The following IRAK2 variants were observed in gnomAD, a reference collection of about 807,000 sequenced individuals.
IRAK2 encodes interleukin-1 receptor-associated kinase-like 2.
Under a neutral mutation model 72.0 loss-of-function variants are expected in IRAK2, and 57 were observed. That is an observed-to-expected ratio of 0.79 (90% CI 0.64 to 0.99). The LOEUF is 0.99. Among genes scored for constraint, IRAK2 ranks in the 50% least tolerant of loss-of-function variants. The pLI, the probability that IRAK2 is intolerant of heterozygous loss-of-function variation, is 0.00. For synonymous variants in IRAK2, 293 were observed against 312.7 expected (o/e 0.94, Z 0.67); for missense variants, 790 against 794.4 (o/e 0.99, Z 0.07).
chr3:10,225,635 CAG>C (rs1697761114), intron 9 of IRAK2, among the ~76,000 whole-genome samples: 1 of 151,814 alleles, frequency 6.6e-6, no homozygotes, highest in Non-Finnish European at 1.5e-5. Context: ...TGCCTGCATG[CAG>C]AGTCTTTCCT....
chr3:10,217,817 T>C (rs1427624964), intron 7 of IRAK2, among the ~76,000 whole-genome samples: 1 of 152,214 alleles, frequency 6.6e-6, no homozygotes, highest in East Asian at 1.9e-4. Flanking sequence ...AAGCAGTTAC[T>C]CACGGCATAC....
In IRAK2 at chr3:10,224,093, T is replaced by C. The variant is rs898302496; in HGVS notation, c.1209+1262T>C. 2.6e-5 allele frequency among the ~76,000 whole-genome samples: 4 copies of C among 151,948 alleles called. No homozygotes were observed. The East Asian group carries it at 5.8e-4, about 22-fold the overall frequency. On this transcript the variant is annotated intron_variant, in intron 9 of 12. Coordinates refer to ENST00000256458, the MANE Select transcript of IRAK2 (RefSeq NM_001570.4). ...GGCACATGCCTAAAATCTCAGTACT[T>C]TGGGAGGCCGATGTGGGCAGATCAC... is the stretch of plus-strand genomic sequence containing the variant.
In IRAK2 at chr3:10,221,011, G is replaced by A. The variant is rs566740717; in HGVS notation, c.1013+1222G>A. Among the ~76,000 whole-genome samples, 4 of 151,788 alleles carry A rather than the reference G, an allele frequency of 2.6e-5. No individual in the cohort carries two copies. In the East Asian group the frequency reaches 5.8e-4, roughly 22 times the overall value. Reference sequence around the variant, plus strand: ...TGTTTTTTAGTGTCTTAGTCTTCCCGTGAAGGAATTTGCCCATAATTTACT... The same window carrying A: ...TGTTTTTTAGTGTCTTAGTCTTCCCATGAAGGAATTTGCCCATAATTTACT... On this transcript the variant is annotated intron_variant, in intron 8 of 12. Coordinates refer to ENST00000256458, the MANE Select transcript of IRAK2 (RefSeq NM_001570.4).
rs749893720 is a variant in IRAK2, at chr3:10,165,078, C to A, written c.94+30C>A. On this transcript the variant is annotated intron_variant, in intron 1 of 12. Coordinates refer to ENST00000256458, the MANE Select transcript of IRAK2 (RefSeq NM_001570.4). ...GTGCGGCCCGGGGAGGGGAGGGGACCAGGGCGACCGGAGCCCCCAGCGATC... is the reference window on the plus strand; with the variant it reads ...GTGCGGCCCGGGGAGGGGAGGGGACAAGGGCGACCGGAGCCCCCAGCGATC... 19 of 1,577,288 alleles carry A rather than the reference C, an allele frequency of 1.2e-5. No homozygotes were observed. The East Asian group carries it at 3.2e-4, about 26-fold the overall frequency.
At chr3:10,231,480 A>G (rs1013651786) in intron 10 of IRAK2, among the ~76,000 whole-genome samples, 1 of 151,700 alleles carries the variant, frequency 6.6e-6, no homozygotes, top group African/African-American at 2.4e-5. Flanking sequence ...TTTAATAGAG[A>G]TGGGGTTTTG....
Position 10,229,071 on chromosome 3 carries a change from C to T in IRAK2, c.1272+2638C>T, listed in dbSNP as rs1156777371. ...GCCTCAGCCTCCTGAGTAGCTGGGA[C>T]TACAGGTGCGCATCACCACACCCGG... On this transcript the variant is annotated intron_variant, in intron 10 of 12. Coordinates refer to ENST00000256458, the MANE Select transcript of IRAK2 (RefSeq NM_001570.4). Among the ~76,000 whole-genome samples the T allele has an allele frequency of 4.0e-5, 6 of 151,890 alleles. No individual in the cohort carries two copies. The East Asian group carries it at 1.2e-3, about 29-fold the overall frequency.
chr3:10,180,472 A>G (rs1696943821), intron 2 of IRAK2, among the ~76,000 whole-genome samples: 1 of 152,130 alleles, frequency 6.6e-6, no homozygotes, highest in Admixed American at 6.6e-5. Flanking sequence ...ATGTGAACCT[A>G]GAGGAATAGG....
intron 10 of IRAK2, among the ~76,000 whole-genome samples, chr3:10,230,967 G>T (rs1697853988): frequency 6.6e-6 from 1 of 151,732 alleles, no homozygotes; most frequent in Admixed American, 6.6e-5. Context: ...TGGCCAGGCT[G>T]GTCTTGAACT....
At chr3:10,202,346 G>A (rs1308073787) in intron 3 of IRAK2, among the ~76,000 whole-genome samples, 3 of 152,170 alleles carry the variant, frequency 2.0e-5, no homozygotes, top group Admixed American at 6.6e-5. Flanking sequence ...ACAGCCAGCC[G>A]GGCGTGGTAG....
intron 12 of IRAK2, among the ~76,000 whole-genome samples, chr3:10,241,175 C>G (rs1018470120): frequency 1.7e-4 from 25 of 151,480 alleles, no homozygotes; most frequent in African/African-American, 6.1e-4. Context: ...TTCGGGAGGA[C>G]GAGGTGGGCT....
At chr3:10,179,007 C>T (rs1294199578) in intron 2 of IRAK2, among the ~76,000 whole-genome samples, 1 of 152,092 alleles carries the variant, frequency 6.6e-6, no homozygotes, top group Non-Finnish European at 1.5e-5. Flanking sequence ...TGGTCTTGAA[C>T]TCCTGGTCTC....
intron 2 of IRAK2, among the ~76,000 whole-genome samples, chr3:10,178,657 CA>C (rs1441244552): frequency 6.6e-6 from 1 of 152,014 alleles, no homozygotes; most frequent in Non-Finnish European, 1.5e-5. Flanking sequence ...AACAAAAATT[CA>C]AAAAAGCATG....
chr3:10,238,279 C>G (rs571809785), intron 11 of IRAK2, among the ~76,000 whole-genome samples: 1 of 152,148 alleles, frequency 6.6e-6, no homozygotes, highest in Admixed American at 6.5e-5. Flanking sequence ...CATTGTGTCT[C>G]TCTGTCTGTG....
chr3:10,216,067 C>T (rs1466775054), intron 6 of IRAK2, among the ~76,000 whole-genome samples: 1 of 152,184 alleles, frequency 6.6e-6, no homozygotes, highest in Non-Finnish European at 1.5e-5. Flanking sequence ...AGAGATAAGG[C>T]AGGAGGCCAT....
At chr3:10,177,699 GC>G (rs1696897751) in intron 1 of IRAK2, 138 bp from the exon 2 acceptor site, 1 of 804,974 alleles carries the variant, frequency 1.2e-6, no homozygotes, top group East Asian at 2.6e-5. Context: ...GTGGACCTCA[GC>G]TAATGGTGGT....
chr3:10,211,886 G>C (rs1697527353), intron 4 of IRAK2, among the ~76,000 whole-genome samples: 1 of 151,962 alleles, frequency 6.6e-6, no homozygotes. Flanking sequence ...GACCATCCTG[G>C]CTAACACGGT....
chr3:10,213,669 T>C (rs1186265551), intron 6 of IRAK2, 121 bp downstream of exon 6: 1 of 733,118 alleles, frequency 1.4e-6, no homozygotes, highest in Non-Finnish European at 2.3e-6. Flanking sequence ...ACAAGAACCC[T>C]ATAAATGTAG....
rs764176507 is a variant in IRAK2 at position 10,177,984 on chromosome 3, C to G, written c.241C>G (p.Leu81Val). Residue 81 changes from leucine (L) to valine (V), a missense_variant, in exon 2 of 13, where the codon CTG becomes GTG. Transcript: ENST00000256458. The part of the protein sequence containing the change: ...VQQLVDLLCR[L>V]ELYRAAQIIL... ...GCAACTTGTGGACCTCCTGTGCCGC[C>G]TGGAGCTCTACCGGGCTGCCCAGAT... 6 of 1,613,120 alleles carry G rather than the reference C, an allele frequency of 3.7e-6. No individual in the cohort carries two copies. The East Asian group carries it at 1.3e-4, about 36-fold the overall frequency.
chr3:10,178,036 C>T lies in IRAK2; in HGVS notation c.277+16C>T. On this transcript the variant is annotated intron_variant, in intron 2 of 12. Coordinates refer to ENST00000256458, the MANE Select transcript of IRAK2 (RefSeq NM_001570.4). ...ATCCTGAACTGTGAGTAACTCAGGG[C>T]CCTCCTTGAGTGGGGCCCATCACGC... 6.3e-7 allele frequency: 1 copy of T among 1,585,512 alleles called. No individual in the cohort carries two copies.
Sources: gnomAD v4.1 joint callset for allele counts (sites outside exome capture counted in the v4.1 genomes callset) on GRCh38, gnomAD v4.1.1 for gene constraint, MANE v1.5 for transcripts, NCBI Gene and HGNC (gene_info 2026-07-23, HGNC 2026-07-21) for gene names.